TNS3: variants seen among roughly 807,000 people sequenced by gnomAD.
TNS3 encodes the protein tensin-3.
TNS3 carries 45 observed loss-of-function variants against 140.9 expected under a neutral mutation model. The ratio of observed to expected loss-of-function variants is 0.32; its 90% confidence interval spans 0.25 to 0.41. The LOEUF is 0.41. TNS3 is among the 10% of genes least tolerant of loss of function. The pLI, the probability that TNS3 is intolerant of heterozygous loss-of-function variation, is 1.00. For missense variants in TNS3, 1,716 were observed against 1,906.7 expected, an observed-to-expected ratio of 0.90 and a Z score of 1.86; for synonymous variants, 815 against 788.4, an observed-to-expected ratio of 1.03 and a Z score of -0.56.
intron 16 of TNS3, among the ~76,000 whole-genome samples, chr7:47,390,807 C>A (rs1316998046): frequency 6.6e-6 from 1 of 152,146 alleles, no homozygotes; most frequent in Non-Finnish European, 1.5e-5. Flanking sequence ...TCTAAAGGCC[C>A]CTACTCTCCA....
In TNS3 at chr7:47,345,307, G is replaced by A. The variant is rs902447489; in HGVS notation, c.2452-269C>T. ...TTCTAATACAATATACAGCTAATAA[G>A]TGAAGTAGACAGAGTTTGTAATGGT... is the stretch of plus-strand genomic sequence containing the variant. On this transcript the variant is annotated intron_variant, in intron 18 of 30. Transcript: ENST00000311160. Among the ~76,000 whole-genome samples the A allele has an allele frequency of 2.0e-5, 3 of 152,210 alleles. No individual in the cohort carries two copies. The East Asian group carries it at 5.8e-4, about 29-fold the overall frequency.
chr7:47,563,300 A>G (rs1474684084), intron 1 of TNS3, among the ~76,000 whole-genome samples: 3 of 152,210 alleles, frequency 2.0e-5, no homozygotes, highest in Admixed American at 6.5e-5. Context: ...AGATAAATAC[A>G]TAAGAACAGT....
intron 3 of TNS3, among the ~76,000 whole-genome samples, chr7:47,505,492 C>A (rs1798381046): frequency 6.6e-6 from 1 of 152,222 alleles, no homozygotes; most frequent in Admixed American, 6.5e-5. Flanking sequence ...ACACAGCCCC[C>A]AGGAGGCCCG....
Position 47,303,546 on chromosome 7 carries a change from G to T in TNS3, c.2861C>A (p.Pro954His). The T allele has an allele frequency of 6.2e-7, 1 of 1,602,892 alleles. No homozygotes were observed. Residue 954 changes from proline (P) to histidine (H), a missense_variant, in exon 22 of 31, where the codon CCC becomes CAC. Pro to His is a moderately conservative substitution (Grantham distance 77). Transcript: ENST00000311160. ...CCCCAGCAGGGAAACCATGGGCTTG[G>T]GGCTGCTCTCCACCCACTGGCGTTC... ...SAERQWVESS[P>H]KPMVSLLGSG... is the part of the protein sequence containing the mutation.
intron 15 of TNS3, among the ~76,000 whole-genome samples, chr7:47,399,848 T>C (rs1228953442): frequency 6.6e-6 from 1 of 152,156 alleles, no homozygotes; most frequent in African/African-American, 2.4e-5. Context: ...ACTAAAAATC[T>C]TCTGTACCAC....
At chr7:47,374,198 G>GGA (rs1426302924) in intron 16 of TNS3, among the ~76,000 whole-genome samples, 3 of 152,200 alleles carry the variant, frequency 2.0e-5, no homozygotes, top group African/African-American at 7.2e-5. Context: ...GCATGGGCCA[G>GGA]AGATCCAGGG....
intron 4 of TNS3, chr7:47,470,585 G>A: frequency 6.1e-6 from 6 of 985,424 alleles, no homozygotes; most frequent in Non-Finnish European, 6.0e-6. Context: ...GCCCTGACCT[G>A]GCCCACCTGT....
chr7:47,450,502 T>C (rs1364075164), intron 4 of TNS3, among the ~76,000 whole-genome samples: 1 of 152,242 alleles, frequency 6.6e-6, no homozygotes, highest in Non-Finnish European at 1.5e-5. Flanking sequence ...AAAACGGTAA[T>C]ACACATTTTT....
chr7:47,452,881 T>A (rs1471289936), intron 4 of TNS3: 1 of 981,556 alleles, frequency 1.0e-6, no homozygotes, highest in African/African-American at 1.7e-5. Context: ...ACAGACAAAG[T>A]GCCCAGTGCC....
chr7:47,509,786 C>T (rs1019767016), intron 2 of TNS3, among the ~76,000 whole-genome samples: 2 of 152,080 alleles, frequency 1.3e-5, no homozygotes, highest in Non-Finnish European at 2.9e-5. Flanking sequence ...CTCCTGGGCC[C>T]GGCTCAGCTG....
intron 8 of TNS3, among the ~76,000 whole-genome samples, chr7:47,434,441 T>C (rs1795076584): frequency 6.6e-6 from 1 of 152,176 alleles, no homozygotes; most frequent in Non-Finnish European, 1.5e-5. Context: ...GCCCACTGGC[T>C]ACATCCTTTC....
intron 4 of TNS3, among the ~76,000 whole-genome samples, chr7:47,460,129 C>T (rs1162915954): frequency 1.3e-5 from 2 of 148,658 alleles, no homozygotes; most frequent in African/African-American, 2.5e-5. Flanking sequence ...AGGAGAATGG[C>T]GTGAACCTGA....
At chr7:47,537,966 A>ACCCCCCCCCC (rs113842617) in intron 1 of TNS3, among the ~76,000 whole-genome samples, 69 of 126,216 alleles carry the variant, frequency 5.5e-4, no homozygotes, top group Non-Finnish European at 6.2e-4. Context: ...CCCTCACCGC[A>ACCCCCCCCCC]CCCCCCCCAC....
intron 1 of TNS3, among the ~76,000 whole-genome samples, chr7:47,533,123 A>ATATATATAT (rs1186427934): frequency 2.3e-5 from 2 of 88,820 alleles, no homozygotes; most frequent in East Asian, 3.4e-4. Context: ...ATATATATAT[A>ATATATATAT]TTTTTTTTTT....
chr7:47,344,679 T>C (rs1466237595), intron 20 of TNS3, 76 bp downstream of exon 20: 25 of 1,323,236 alleles, frequency 1.9e-5, no homozygotes, highest in Non-Finnish European at 2.5e-5. Context: ...ATACGAGTTC[T>C]TCTCTGTAAA....
At chr7:47,420,839 T>C (rs1230201849) in intron 10 of TNS3, among the ~76,000 whole-genome samples, 1 of 152,228 alleles carries the variant, frequency 6.6e-6, no homozygotes, top group East Asian at 1.9e-4. Flanking sequence ...AGAATTGAGG[T>C]TCCTGCAGAC....
intron 10 of TNS3, among the ~76,000 whole-genome samples, chr7:47,418,429 G>A (rs1204896224): frequency 2.0e-5 from 3 of 152,198 alleles, no homozygotes; most frequent in Non-Finnish European, 2.9e-5. Context: ...GGCATTAAAG[G>A]TAGATATAAA....
At chr7:47,560,350 G>C (rs1214655546) in intron 1 of TNS3, among the ~76,000 whole-genome samples, 1 of 152,028 alleles carries the variant, frequency 6.6e-6, no homozygotes, top group East Asian at 1.9e-4. Flanking sequence ...CTTGATCTTG[G>C]ACTTCCAGCC....
At chr7:47,462,348 T>C (rs1036158439) in intron 4 of TNS3, among the ~76,000 whole-genome samples, 1 of 152,186 alleles carries the variant, frequency 6.6e-6, no homozygotes, top group African/African-American at 2.4e-5. Context: ...TCCATCCTTG[T>C]AGCAGCCTGC....
Sources: allele counts gnomAD v4.1 joint callset (sites outside exome capture counted in the v4.1 genomes callset), GRCh38; gene constraint gnomAD v4.1.1; transcripts MANE v1.5; gene names NCBI Gene and HGNC (gene_info 2026-07-23, HGNC 2026-07-21).